Variants in RPL22 observed in about 807,000 individuals in gnomAD.
RPL22 encodes the protein ribosomal protein L22.
Under a neutral mutation model 16.2 loss-of-function variants are expected in RPL22, and 4 were observed. The ratio of observed to expected loss-of-function variants is 0.25; its 90% confidence interval spans 0.12 to 0.57. The LOEUF is 0.57. RPL22 is among the 20% of genes least tolerant of loss of function. The pLI is 0.92. For missense variants in RPL22, 83 were observed against 156.1 expected, an observed-to-expected ratio of 0.53 and a Z score of 2.49; for synonymous variants, 43 against 54.8, an observed-to-expected ratio of 0.78 and a Z score of 0.95.
At chr1:6,194,488 T>A (rs1487570982) in intron 2 of RPL22, among the ~76,000 whole-genome samples, 1 of 152,230 alleles carries the variant, frequency 6.6e-6, no homozygotes, top group Admixed American at 6.5e-5. Flanking sequence ...TCAGAAAGCT[T>A]TGCCCAAAAA....
At chr1:6,198,604 C>T (rs1667750870) in intron 1 of RPL22, 1 of 152,224 alleles carries the variant, frequency 6.6e-6, no homozygotes, top group African/African-American at 2.4e-5. Flanking sequence ...CATCTTACCT[C>T]CCTTCATGTT....
rs1380469680 is a variant in RPL22 at position 6,185,043 on chromosome 1, A to T, written c.*1629T>A. On this transcript the variant is annotated 3_prime_UTR_variant, in exon 4 of 4. Transcript: ENST00000234875. ...CGTACAGTAAGAGTAGCCAGGTGTT[A>T]GCCACTTTAATAGAAAATATGATCA... 1 of 332,718 alleles carries T rather than the reference A, an allele frequency of 3.0e-6. No individual in the cohort carries two copies. Among genetic ancestry groups the T allele is most frequent in the Non-Finnish European group, 5.4e-6 (1 of 184,896 alleles). The allele number at this position is 332,718 out of a possible 1,614,324, so 20.6% of individuals were successfully genotyped here.
rs533376747 is a variant in RPL22, at chr1:6,187,926, C to T, written c.243-1110G>A. On this transcript the variant is annotated intron_variant, in intron 3 of 3. Transcript: ENST00000234875. ...ACTCGCTCCTGCTCACCACCCAACACACAGGGACAGAATGCCACCCTGCCA... is the reference window on the plus strand; with the variant it reads ...ACTCGCTCCTGCTCACCACCCAACATACAGGGACAGAATGCCACCCTGCCA... 4.6e-5 allele frequency among the ~76,000 whole-genome samples: 7 copies of T among 152,360 alleles called. No homozygotes were observed. In the South Asian group the frequency reaches 1.4e-3, roughly 32 times the overall value.
intron 3 of RPL22, among the ~76,000 whole-genome samples, chr1:6,187,116 T>A (rs1027635535): frequency 6.6e-6 from 1 of 152,050 alleles, no homozygotes; most frequent in Non-Finnish European, 1.5e-5. Context: ...GAGACCAGCC[T>A]GAACAACATG....
At position 6,186,950 on chromosome 1, in the gene RPL22, G is replaced by A. The variant is rs539960419; in HGVS notation, c.243-134C>T. The A allele has an allele frequency of 1.4e-5, 19 of 1,330,032 alleles. No homozygotes were observed. The African/African-American group carries it at 2.4e-4, about 17-fold the overall frequency. The allele number at this position is 1,330,032 out of a possible 1,614,324, so 82.4% of individuals were successfully genotyped here. On this transcript the variant is annotated intron_variant, in intron 3 of 3. Transcript: ENST00000234875. Reference sequence around the variant, plus strand: ...TTCCCAAGCCTCAAAAATGGCAAAGGTAAGGCAAATACACCCAGCCAAGGC... The same window carrying A: ...TTCCCAAGCCTCAAAAATGGCAAAGATAAGGCAAATACACCCAGCCAAGGC...
At chr1:6,197,876 G>T in intron 1 of RPL22, 120 bp from the exon 2 acceptor site, 1 of 775,226 alleles carries the variant, frequency 1.3e-6, no homozygotes, top group Non-Finnish European at 2.2e-6. Context: ...TAACGGAAGT[G>T]TGCTCCCTTT....
intron 3 of RPL22, among the ~76,000 whole-genome samples, chr1:6,187,621 A>AAC (rs1553145463): frequency 6.6e-6 from 1 of 151,018 alleles, no homozygotes; most frequent in African/African-American, 2.5e-5. Flanking sequence ...CTCAAAAAAA[A>AAC]AAAAACAAAA....
intron 3 of RPL22, among the ~76,000 whole-genome samples, 184 bp from the exon 4 acceptor site, chr1:6,187,000 C>T (rs1173639107): frequency 3.9e-5 from 6 of 152,210 alleles, no homozygotes; most frequent in African/African-American, 1.4e-4. Context: ...CACGTACCAT[C>T]GACATCGGCA....
chr1:6,199,368 G>T, intron 1 of RPL22, 194 bp downstream of exon 1: 1 of 1,326,910 alleles, frequency 7.5e-7, no homozygotes. Context: ...TCCCTCACGA[G>T]CCTCGGGCCG....
Position 6,192,751 on chromosome 1 carries a change from A to G in RPL22, c.242+179T>C, listed in dbSNP as rs114556784. ...GAAAGACAAAATTTTAAAACCACCA[A>G]AAGTTGACTATTGTTAACAACCATA... On this transcript the variant is annotated intron_variant, in intron 3 of 3. Coordinates refer to ENST00000234875, the MANE Select transcript of RPL22 (RefSeq NM_000983.4). 9.5e-3 allele frequency among the ~76,000 whole-genome samples: 1,444 copies of G among 152,288 alleles called. 26 individuals are homozygous for G. Among genetic ancestry groups the G allele is most frequent in the African/African-American group, 0.033 (1,372 of 41,566 alleles).
chr1:6,187,163 C>CTGGGCGTGG lies in RPL22; in HGVS notation c.243-356_243-348dup, dbSNP rs1222600355. ...TCTCTACTAAAAATAAAAAAATTAG[C>CTGGGCGTGG]TGGGCGTGGTGGTGCACGCCTGTAA... On this transcript the variant is annotated intron_variant, in intron 3 of 3. Transcript: ENST00000234875. Among the ~76,000 whole-genome samples, 214 of 152,238 alleles carry CTGGGCGTGG rather than the reference C, an allele frequency of 1.4e-3. 1 individual carries two copies. The highest frequency in any genetic ancestry group is 1.9e-4 in the Non-Finnish European group (13 of 68,020).
intron 1 of RPL22, 49 bp downstream of exon 1, chr1:6,199,513 G>T: frequency 6.5e-7 from 1 of 1,549,220 alleles, no homozygotes; most frequent in Middle Eastern, 1.8e-4. Context: ...GCTCGGCGAG[G>T]CCCACGTGCC....
intron 1 of RPL22, 130 bp downstream of exon 1, chr1:6,199,432 G>A (rs1255556474): frequency 9.8e-6 from 14 of 1,430,506 alleles, no homozygotes; most frequent in Admixed American, 2.7e-5. Flanking sequence ...GGCCCGCTCC[G>A]GCCGACCTGC....
chr1:6,185,175 G>A lies in RPL22; in HGVS notation c.*1497C>T, dbSNP rs1288139277. On this transcript the variant is annotated 3_prime_UTR_variant, in exon 4 of 4. Coordinates refer to ENST00000234875, the MANE Select transcript of RPL22 (RefSeq NM_000983.4). ...TTTCTTTTTTTCTTTTAACTGAAAT[G>A]CCAACTTCAGCCCAGGGTTTTTTCA... 7 of 395,712 alleles carry A rather than the reference G, an allele frequency of 1.8e-5. No homozygotes were observed. The highest frequency in any genetic ancestry group is 3.1e-5 in the Non-Finnish European group (7 of 224,858). The allele number at this position is 395,712 out of a possible 1,614,324, so 24.5% of individuals were successfully genotyped here.
intron 3 of RPL22, 95 bp from the exon 4 acceptor site, chr1:6,186,911 C>T (rs1329166639): frequency 6.4e-7 from 1 of 1,558,134 alleles, no homozygotes; most frequent in East Asian, 2.3e-5. Context: ...AAAATCATTA[C>T]AATTCAAGGT....
intron 1 of RPL22, chr1:6,199,332 C>T: frequency 2.4e-6 from 3 of 1,249,080 alleles, no homozygotes; most frequent in Non-Finnish European, 3.1e-6. Flanking sequence ...TAGCTGGGGC[C>T]CCGGGCCTCC....
intron 3 of RPL22, among the ~76,000 whole-genome samples, chr1:6,191,782 G>A (rs1159105174): frequency 6.6e-6 from 1 of 152,102 alleles, no homozygotes; most frequent in Non-Finnish European, 1.5e-5. Context: ...CGAATCACCT[G>A]AAGTTAAGAG....
intron 2 of RPL22, among the ~76,000 whole-genome samples, chr1:6,197,377 G>A (rs1334085002): frequency 6.6e-6 from 1 of 152,174 alleles, no homozygotes; most frequent in Non-Finnish European, 1.5e-5. Flanking sequence ...AACTAAAGGA[G>A]AAAAACAAGA....
intron 3 of RPL22, among the ~76,000 whole-genome samples, chr1:6,188,644 AAG>A (rs1220185723): frequency 5.3e-5 from 8 of 152,040 alleles, no homozygotes; most frequent in Non-Finnish European, 7.4e-5. Context: ...CCAAGCCATA[AAG>A]AGGGAATTTC....
Sources: allele counts gnomAD v4.1 joint callset (sites outside exome capture counted in the v4.1 genomes callset), GRCh38; gene constraint gnomAD v4.1.1; transcripts MANE v1.5; gene names NCBI Gene and HGNC (gene_info 2026-07-23, HGNC 2026-07-21).